YTHDC2: variants seen among roughly 807,000 people sequenced by gnomAD.
The protein encoded by YTHDC2 is 3'-5' RNA helicase YTHDC2.
Under a neutral mutation model 174.9 loss-of-function variants are expected in YTHDC2, and 45 were observed. The ratio of observed to expected loss-of-function variants is 0.26; its 90% CI spans 0.20 to 0.33. YTHDC2 has a LOEUF of 0.33. Ranked by LOEUF, YTHDC2 falls within the 10% of genes least tolerant of loss-of-function variation. The pLI is 1.00. For synonymous variants in YTHDC2, 657 were observed against 574.5 expected (o/e 1.14, Z -2.05); for missense variants, 1,650 against 1,723.7 (o/e 0.96, Z 0.76).
Position 113,540,996 on chromosome 5 carries a change from A to G in YTHDC2, c.1239A>G (p.Glu413=), listed in dbSNP as rs150395736. 94 of 1,613,894 alleles carry G rather than the reference A, an allele frequency of 5.8e-5. 1 individual carries two copies. In the African/African-American group the frequency reaches 1.1e-3, roughly 18 times the overall value. ...AGAAACAACAAACCACACTTACAGA[A>G]TGGTACTCAGCTCAAGAAAATAGTT... is the stretch of plus-strand genomic sequence containing the variant. ...QEEKQQTTLT[E]WYSAQENSFK... The change falls in exon 9 of 30, where the codon GAA becomes GAG. Residue 413 remains glutamate (E), a synonymous_variant. Coordinates refer to ENST00000161863, the MANE Select transcript of YTHDC2 (RefSeq NM_022828.5).
chr5:113,545,117 T>C (rs1182767142), intron 10 of YTHDC2, among the ~76,000 whole-genome samples: 1 of 152,166 alleles, frequency 6.6e-6, no homozygotes, highest in Non-Finnish European at 1.5e-5. Flanking sequence ...CTAATTGTTA[T>C]CTATTGCATT....
chr5:113,578,720 A>G (rs1042528323), intron 23 of YTHDC2, among the ~76,000 whole-genome samples: 1 of 152,130 alleles, frequency 6.6e-6, no homozygotes, highest in African/African-American at 2.4e-5. Context: ...TTGTCTCATT[A>G]CAGGAATGGT....
intron 17 of YTHDC2, among the ~76,000 whole-genome samples, chr5:113,557,313 C>T (rs10079895): frequency 0.31 from 47,197 of 151,992 alleles, 9,487 homozygotes; most frequent in African/African-American, 0.56. Flanking sequence ...TTATAATTAG[C>T]AGGAAAACAT....
chr5:113,559,701 T>C (rs1169296795), intron 17 of YTHDC2, among the ~76,000 whole-genome samples: 1 of 152,174 alleles, frequency 6.6e-6, no homozygotes, highest in Non-Finnish European at 1.5e-5. Context: ...GCCAAAACCA[T>C]TGCTTCTAGA....
chr5:113,579,141 C>G (rs1223843377), intron 23 of YTHDC2, among the ~76,000 whole-genome samples: 1 of 151,776 alleles, frequency 6.6e-6, no homozygotes, highest in East Asian at 1.9e-4. Flanking sequence ...TTTTCTTCTA[C>G]TTTTCTTTGG....
At chr5:113,522,711 A>G (rs1237985588) in intron 2 of YTHDC2, among the ~76,000 whole-genome samples, 2 of 152,142 alleles carry the variant, frequency 1.3e-5, no homozygotes, top group Non-Finnish European at 2.9e-5. Context: ...AGTATGACAA[A>G]TTTCTACTGT....
At chr5:113,522,866 A>AT (rs1394976788) in intron 2 of YTHDC2, among the ~76,000 whole-genome samples, 1 of 152,204 alleles carries the variant, frequency 6.6e-6, no homozygotes, top group Non-Finnish European at 1.5e-5. Context: ...TTACTAAAAC[A>AT]TAAAAATGAT....
chr5:113,540,407 C>T (rs1775370682), intron 8 of YTHDC2, among the ~76,000 whole-genome samples: 1 of 152,102 alleles, frequency 6.6e-6, no homozygotes, highest in Non-Finnish European at 1.5e-5. Context: ...TGTATTAGCC[C>T]ATTTTCACAC....
intron 22 of YTHDC2, 66 bp downstream of exon 22, chr5:113,567,363 A>C (rs908210891): frequency 1.3e-5 from 16 of 1,236,920 alleles, no homozygotes; most frequent in Non-Finnish European, 1.6e-5. Flanking sequence ...CTATCAATGA[A>C]AAATGCTCCA....
Position 113,564,093 on chromosome 5 carries a change from G to A in YTHDC2, c.2677G>A (p.Ala893Thr), listed in dbSNP as rs765487343. 5 of 1,614,120 alleles carry A rather than the reference G, an allele frequency of 3.1e-6. No individual in the cohort carries two copies. The highest frequency in any genetic ancestry group is 4.2e-6 in the Non-Finnish European group (5 of 1,180,016). ...MLCRKRFTAGAFSDHMALLRA... is the reference protein window; with the variant it reads ...MLCRKRFTAGTFSDHMALLRA... ...TTGTAGGAAACGTTTTACTGCAGGAGCTTTCAGTGACCATATGGCACTTCT... is the reference window on the plus strand; with the variant it reads ...TTGTAGGAAACGTTTTACTGCAGGAACTTTCAGTGACCATATGGCACTTCT... Residue 893 changes from alanine (A) to threonine (T), a missense_variant, in exon 20 of 30, where the codon GCT (alanine) becomes ACT (threonine). By Grantham distance (58) the Ala-to-Thr change is moderately conservative (BLOSUM62 0). Around this residue, in one of 5 missense-constraint regions of YTHDC2, gnomAD observed 913 missense variants for 940.4 expected, o/e 0.97. Coordinates refer to ENST00000161863, the MANE Select transcript of YTHDC2 (RefSeq NM_022828.5).
intron 4 of YTHDC2, among the ~76,000 whole-genome samples, 153 bp from the exon 5 acceptor site, chr5:113,532,726 A>G (rs1363570291): frequency 6.6e-6 from 1 of 152,144 alleles, no homozygotes; most frequent in Non-Finnish European, 1.5e-5. Flanking sequence ...TACATTTTTT[A>G]GCTGATTACT....
At chr5:113,579,380 C>T (rs10063008) in intron 23 of YTHDC2, among the ~76,000 whole-genome samples, 46,291 of 151,732 alleles carry the variant, frequency 0.31, 9,232 homozygotes, top group African/African-American at 0.55. Context: ...TGTGATGAGA[C>T]ATTATAGTCT....
chr5:113,532,945 C>G lies in YTHDC2; in HGVS notation c.742C>G (p.Pro248Ala), dbSNP rs1403185638. The G allele has an allele frequency of 1.2e-6, 2 of 1,614,100 alleles. No homozygotes were observed. Among genetic ancestry groups the G allele is most frequent in the Non-Finnish European group, 1.7e-6 (2 of 1,180,018 alleles). Residue 248 changes from proline to alanine, a missense_variant, in exon 5 of 30, where the codon CCA becomes GCA. Around this residue, in one of 5 missense-constraint regions of YTHDC2, gnomAD observed 304 missense variants for 341.4 expected, o/e 0.89. Coordinates refer to ENST00000161863, the MANE Select transcript of YTHDC2 (RefSeq NM_022828.5). ...CCCCTGCCGTATATTTTGTACTCAA[C>G]CAAGACGATTGGCAGCTATCGCTGT... is the stretch of plus-strand genomic sequence containing the variant. ...GIPCRIFCTQ[P>A]RRLAAIAVAE...
chr5:113,524,863 C>A, intron 2 of YTHDC2, 118 bp from the exon 3 acceptor site: 1 of 779,924 alleles, frequency 1.3e-6, no homozygotes, highest in Non-Finnish European at 1.9e-6. Flanking sequence ...GCATCTTCTC[C>A]CAAAGCATTT....
intron 25 of YTHDC2, chr5:113,582,274 A>T: frequency 6.6e-6 from 1 of 152,230 alleles, no homozygotes; most frequent in Non-Finnish European, 1.5e-5. Context: ...GGAGGCATAT[A>T]ATAAGTAAAC....
intron 23 of YTHDC2, among the ~76,000 whole-genome samples, chr5:113,576,590 G>T (rs1368026097): frequency 6.6e-6 from 1 of 152,114 alleles, no homozygotes; most frequent in Non-Finnish European, 1.5e-5. Flanking sequence ...CCATCATTTG[G>T]TGTTGGTTTT....
chr5:113,581,169 T>C, intron 24 of YTHDC2: 1 of 337,686 alleles, frequency 3.0e-6, no homozygotes. Flanking sequence ...TTAATCACAC[T>C]CTGCCACAAC....
Position 113,526,646 on chromosome 5 carries a change from T to G in YTHDC2, c.536T>G (p.Val179Gly). The G allele has an allele frequency of 6.2e-6, 10 of 1,605,672 alleles. No homozygotes were observed. The highest frequency in any genetic ancestry group is 8.5e-6 in the Non-Finnish European group (10 of 1,175,448). The change falls in exon 4 of 30, where the codon GTG becomes GGG. Residue 179 changes from valine (V) to glycine (G), a missense_variant. Val to Gly is a moderately radical substitution (Grantham distance 109). Transcript: ENST00000161863. Reference sequence around the variant, plus strand: ...AACAATGGCATACCTCAGATTCCAGTGAAAAGAGGAGAATCCGAATTTGAT... The same window carrying G: ...AACAATGGCATACCTCAGATTCCAGGGAAAAGAGGAGAATCCGAATTTGAT... ...RLNNGIPQIPVKRGESEFDSF... is the reference protein window; with the variant it reads ...RLNNGIPQIPGKRGESEFDSF...
chr5:113,563,074 T>G (rs1342875372), intron 18 of YTHDC2, among the ~76,000 whole-genome samples: 4 of 152,078 alleles, frequency 2.6e-5, no homozygotes, highest in Non-Finnish European at 5.9e-5. Context: ...AAAAGATTTT[T>G]TTTTTTTTGG....
Sources: gnomAD v4.1 joint callset for allele counts (sites outside exome capture counted in the v4.1 genomes callset) on GRCh38, gnomAD v4.1.1 for gene constraint, gnomAD v4.1.1 regional missense constraint, MANE v1.5 for transcripts, NCBI Gene and HGNC (gene_info 2026-07-23, HGNC 2026-07-21) for gene names.